SLC38A9: variants seen among roughly 807,000 people sequenced by gnomAD.
SLC38A9 encodes the protein solute carrier family 38 member 9, also known as neutral amino acid transporter 9.
SLC38A9 carries 48 observed loss-of-function variants against 62.3 expected under a neutral mutation model. That is an observed-to-expected ratio of 0.77 (90% CI 0.61 to 0.98). The LOEUF (loss-of-function observed/expected upper bound fraction) is 0.98. SLC38A9 is among the 50% of genes least tolerant of loss of function. The probability of loss-of-function intolerance (pLI) is 0.00; values close to 1 mark genes in which losing one functional copy is unlikely to be tolerated. For synonymous variants in SLC38A9, 204 were observed against 227.7 expected (o/e 0.90, Z 0.94); for missense variants, 541 against 679.8 (o/e 0.80, Z 2.27).
At chr5:55,658,414 A>G (rs967021199) in intron 8 of SLC38A9, among the ~76,000 whole-genome samples, 4 of 152,226 alleles carry the variant, frequency 2.6e-5, no homozygotes, top group African/African-American at 9.6e-5. Context: ...TTGGCCTCCC[A>G]GAGTGCTGGG....
chr5:55,692,042 A>C lies in SLC38A9; in HGVS notation c.113+5804T>G, dbSNP rs984165334. ...ACCACAAGCTAAACTGAGGATAAGT[A>C]ATCTAAATATATACTTGACATACTC... On this transcript the variant is annotated intron_variant, in intron 3 of 15. Transcript: ENST00000396865. 2.6e-5 allele frequency among the ~76,000 whole-genome samples: 4 copies of C among 152,228 alleles called. No individual in the cohort carries two copies. In the East Asian group the frequency reaches 7.7e-4, roughly 29 times the overall value.
At chr5:55,654,048 C>G (rs954796916) in intron 9 of SLC38A9, among the ~76,000 whole-genome samples, 7 of 152,106 alleles carry the variant, frequency 4.6e-5, no homozygotes, top group African/African-American at 1.7e-4. Flanking sequence ...TCTAATGTCA[C>G]AGTAGAGCTT....
intron 2 of SLC38A9, among the ~76,000 whole-genome samples, chr5:55,699,299 T>A (rs535830660): frequency 6.6e-6 from 1 of 152,308 alleles, no homozygotes; most frequent in African/African-American, 2.4e-5. Flanking sequence ...CCACATCATG[T>A]GTGTGTATGA....
intron 4 of SLC38A9, among the ~76,000 whole-genome samples, chr5:55,671,797 G>A (rs984012760): frequency 4.6e-5 from 7 of 152,000 alleles, no homozygotes; most frequent in East Asian, 1.9e-4. Flanking sequence ...GTGGTGAGCC[G>A]AGATTGCGCC....
intron 3 of SLC38A9, among the ~76,000 whole-genome samples, chr5:55,678,138 G>GTTTTTTTTTTT (rs769465008): frequency 1.5e-5 from 2 of 129,440 alleles, no homozygotes; most frequent in Non-Finnish European, 1.6e-5. Context: ...AAGGTTACTG[G>GTTTTTTTTTTT]TTTTTTTTTC....
intron 15 of SLC38A9, among the ~76,000 whole-genome samples, chr5:55,627,275 T>C (rs772991853): frequency 7.9e-5 from 12 of 151,916 alleles, no homozygotes; most frequent in Admixed American, 2.6e-4. Context: ...TAGGTAAGAG[T>C]GTTCCAAAAA....
At chr5:55,702,514 T>C (rs1026198772) in intron 2 of SLC38A9, among the ~76,000 whole-genome samples, 4 of 152,024 alleles carry the variant, frequency 2.6e-5, no homozygotes, top group African/African-American at 9.7e-5. Flanking sequence ...CTGCCTCAGC[T>C]TCCCAAAGTG....
intron 2 of SLC38A9, among the ~76,000 whole-genome samples, chr5:55,702,182 A>T (rs1756750895): frequency 1.3e-5 from 2 of 152,196 alleles, no homozygotes; most frequent in Admixed American, 6.5e-5. Context: ...TCTCCATGAG[A>T]CTATCTCTGC....
intron 2 of SLC38A9, among the ~76,000 whole-genome samples, chr5:55,705,847 A>G (rs1757226622): frequency 6.6e-6 from 1 of 152,018 alleles, no homozygotes; most frequent in Non-Finnish European, 1.5e-5. Flanking sequence ...AGCTGGGACT[A>G]CAGGTGCCTG....
rs994997934 is a variant in SLC38A9, at chr5:55,712,203, G to A, written c.-83+14C>T. On this transcript the variant is annotated intron_variant, in intron 1 of 15. Transcript: ENST00000396865. ...CCGAGGGGCGAGTTTGCTAGACGTG[G>A]GAACGTGATCTACCTGAGCAGGCCG... is the stretch of plus-strand genomic sequence containing the variant. 1 of 152,442 alleles carries A rather than the reference G, an allele frequency of 6.6e-6. No homozygotes were observed. The highest frequency in any genetic ancestry group is 2.1e-4 in the South Asian group (1 of 4,830). 9.4% of individuals were successfully genotyped at this position (152,442 alleles called of 1,614,324 possible).
chr5:55,630,394 T>C (rs991860818), intron 14 of SLC38A9, among the ~76,000 whole-genome samples: 1 of 152,134 alleles, frequency 6.6e-6, no homozygotes, highest in Non-Finnish European at 1.5e-5. Context: ...CTTGGCTCAC[T>C]GCAACCTCCG....
At position 55,710,647 on chromosome 5, in the gene SLC38A9, C is replaced by CA. The variant is rs1479999528; in HGVS notation, c.-35+804dup. 2.0e-5 allele frequency among the ~76,000 whole-genome samples: 3 copies of CA among 152,102 alleles called. No homozygotes were observed. In the East Asian group the frequency reaches 5.8e-4, roughly 30 times the overall value. On this transcript the variant is annotated intron_variant, in intron 2 of 15. Coordinates refer to ENST00000396865, the MANE Select transcript of SLC38A9 (RefSeq NM_173514.4). The stretch of plus-strand genomic sequence containing the variant: ...TTTTGTTTTTTTTGAGACGGAGCCT[C>CA]ACTCTGTCACCAGGCTGGAGTGCGG...
chr5:55,684,446 G>C (rs773083952), intron 3 of SLC38A9, among the ~76,000 whole-genome samples: 3 of 152,134 alleles, frequency 2.0e-5, no homozygotes, highest in Non-Finnish European at 2.9e-5. Context: ...ATCCAGTTTG[G>C]GGGATTGAGA....
At chr5:55,669,084 C>A in intron 7 of SLC38A9, 144 bp downstream of exon 7, 1 of 510,904 alleles carries the variant, frequency 2.0e-6, no homozygotes. Context: ...ATCAATTTAG[C>A]TGAAAGCGAT....
At chr5:55,678,952 G>T (rs1752623594) in intron 3 of SLC38A9, among the ~76,000 whole-genome samples, 1 of 152,040 alleles carries the variant, frequency 6.6e-6, no homozygotes, top group South Asian at 2.1e-4. Context: ...GAGCCACTGT[G>T]CCTGGCCTGG....
intron 2 of SLC38A9, among the ~76,000 whole-genome samples, chr5:55,699,880 A>G (rs188539498): frequency 2.8e-4 from 43 of 152,330 alleles, no homozygotes; most frequent in African/African-American, 9.9e-4. Context: ...TGTTTAAGAA[A>G]CATGAAGGAT....
At position 55,635,672 on chromosome 5, in the gene SLC38A9, C is replaced by T. The variant is rs1258839809; in HGVS notation, c.1168-15G>A. ...AAGTCCCTCACCTGTAAATACAGAA[C>T]AAAAGTCCCATAATACTGAAGAACC... On this transcript the variant is annotated splice_polypyrimidine_tract_variant and intron_variant, in intron 12 of 15. Coordinates refer to ENST00000396865, the MANE Select transcript of SLC38A9 (RefSeq NM_173514.4). 3 of 1,547,950 alleles carry T rather than the reference C, an allele frequency of 1.9e-6. No individual in the cohort carries two copies. Among genetic ancestry groups the T allele is most frequent in the Non-Finnish European group, 2.7e-6 (3 of 1,120,452 alleles).
chr5:55,689,325 C>T (rs917951032), intron 3 of SLC38A9, among the ~76,000 whole-genome samples: 2 of 152,130 alleles, frequency 1.3e-5, no homozygotes, highest in African/African-American at 4.8e-5. Context: ...AAAAAAGTAT[C>T]AGGCAAGCCA....
chr5:55,635,478 C>A, intron 13 of SLC38A9, 66 bp downstream of exon 13: 1 of 1,163,042 alleles, frequency 8.6e-7, no homozygotes. Context: ...GCCACTGTAT[C>A]ACCCTACCTA....
Sources: gnomAD v4.1 joint callset for allele counts (sites outside exome capture counted in the v4.1 genomes callset) on GRCh38, gnomAD v4.1.1 for gene constraint, MANE v1.5 for transcripts, NCBI Gene and HGNC (gene_info 2026-07-23, HGNC 2026-07-21) for gene names.